Variants in ADAMTS6 observed in about 807,000 individuals in gnomAD.
The protein encoded by ADAMTS6 is A disintegrin and metalloproteinase with thrombospondin motifs 6.
Under a neutral mutation model 144.3 loss-of-function variants are expected in ADAMTS6, and 23 were observed. That is an observed-to-expected ratio of 0.16 (90% CI 0.11 to 0.23). ADAMTS6 has a LOEUF of 0.23. Among genes scored for constraint, ADAMTS6 ranks in the 10% least tolerant of loss-of-function variants. The pLI is 1.00. For missense variants in ADAMTS6, 999 were observed against 1,379.6 expected (o/e 0.72, Z 4.37); for synonymous variants, 444 against 457.5 (o/e 0.97, Z 0.38).
At chr5:65,339,295 T>C (rs1011043802) in intron 7 of ADAMTS6, among the ~76,000 whole-genome samples, 3 of 152,106 alleles carry the variant, frequency 2.0e-5, no homozygotes, top group Non-Finnish European at 2.9e-5. Flanking sequence ...ACTGTGTCTA[T>C]CTAGAACCAA....
intron 15 of ADAMTS6, among the ~76,000 whole-genome samples, chr5:65,239,129 AGGG>A (rs769433075): frequency 1.3e-5 from 2 of 151,660 alleles, no homozygotes; most frequent in Admixed American, 6.6e-5. Flanking sequence ...GGGTAGGGGG[AGGG>A]GGGAGAGATA....
At chr5:65,191,110 T>C (rs990631882) in intron 21 of ADAMTS6, among the ~76,000 whole-genome samples, 1 of 152,158 alleles carries the variant, frequency 6.6e-6, no homozygotes, top group Non-Finnish European at 1.5e-5. Context: ...GCTGGAACAA[T>C]TCTGGGGCTG....
At chr5:65,377,407 C>T (rs1751664220) in intron 7 of ADAMTS6, among the ~76,000 whole-genome samples, 1 of 152,128 alleles carries the variant, frequency 6.6e-6, no homozygotes, top group African/African-American at 2.4e-5. Context: ...TCTAGACTGC[C>T]AAACAAGCTG....
intron 18 of ADAMTS6, among the ~76,000 whole-genome samples, chr5:65,223,940 C>G (rs973642975): frequency 1.3e-5 from 2 of 151,958 alleles, no homozygotes; most frequent in African/African-American, 4.8e-5. Context: ...GCTGGGACTA[C>G]AGGCGCCCAC....
intron 14 of ADAMTS6, among the ~76,000 whole-genome samples, chr5:65,246,670 C>T (rs1163186377): frequency 6.6e-6 from 1 of 152,062 alleles, no homozygotes; most frequent in Non-Finnish European, 1.5e-5. Flanking sequence ...AATCCAAAGG[C>T]CCTGAGGCAG....
rs770308569 is a variant in ADAMTS6 at position 65,473,692 on chromosome 5, A to AT, written c.-20dup. 1.1e-5 allele frequency: 18 copies of AT among 1,598,438 alleles called. No homozygotes were observed. The Admixed American group carries it at 1.2e-4, about 10-fold the overall frequency. On this transcript the variant is annotated 5_prime_UTR_variant, in exon 2 of 25. Transcript: ENST00000381055. Reference sequence around the variant, plus strand: ...TTTCCATAATTTAGAAAACTGGATGATTTTTTTGAGGGCTACCTATGTGCT... The same window carrying AT: ...TTTCCATAATTTAGAAAACTGGATGATTTTTTTTGAGGGCTACCTATGTGCT...
chr5:65,472,984 T>C (rs1162613485), intron 2 of ADAMTS6, among the ~76,000 whole-genome samples: 2 of 152,120 alleles, frequency 1.3e-5, no homozygotes, highest in Non-Finnish European at 2.9e-5. Context: ...GACTGGTCCA[T>C]GGAAAACAAA....
chr5:65,411,962 T>C (rs1016680076), intron 7 of ADAMTS6, among the ~76,000 whole-genome samples: 1 of 152,154 alleles, frequency 6.6e-6, no homozygotes, highest in Non-Finnish European at 1.5e-5. Context: ...CTAATGTTAA[T>C]AATAGCTATC....
At chr5:65,404,024 G>A (rs1393407542) in intron 7 of ADAMTS6, among the ~76,000 whole-genome samples, 1 of 151,900 alleles carries the variant, frequency 6.6e-6, no homozygotes, top group Non-Finnish European at 1.5e-5. Context: ...AAGAATCTTT[G>A]CCCAAGTTGG....
chr5:65,212,434 T>TG (rs1756605687), intron 20 of ADAMTS6, among the ~76,000 whole-genome samples: 1 of 149,596 alleles, frequency 6.7e-6, no homozygotes, highest in African/African-American at 2.4e-5. Flanking sequence ...TTTTTTTTTT[T>TG]TTTTTTTTTT....
At chr5:65,301,029 A>G (rs1381045738) in intron 9 of ADAMTS6, among the ~76,000 whole-genome samples, 1 of 152,208 alleles carries the variant, frequency 6.6e-6, no homozygotes. Flanking sequence ...TTTGAAAACC[A>G]TTGATATACT....
chr5:65,316,188 A>T (rs550771401), intron 9 of ADAMTS6, among the ~76,000 whole-genome samples: 1 of 152,210 alleles, frequency 6.6e-6, no homozygotes, highest in Non-Finnish European at 1.5e-5. Flanking sequence ...CTAGGATTAT[A>T]GGCATGAGCC....
chr5:65,257,400 C>T (rs545835085), intron 14 of ADAMTS6, among the ~76,000 whole-genome samples: 1 of 152,200 alleles, frequency 6.6e-6, no homozygotes, highest in South Asian at 2.1e-4. Flanking sequence ...TCTCTCTCAC[C>T]CTGTATTTCC....
intron 7 of ADAMTS6, among the ~76,000 whole-genome samples, chr5:65,397,815 T>C (rs1027209775): frequency 6.8e-6 from 1 of 147,360 alleles, no homozygotes; most frequent in African/African-American, 2.5e-5. Flanking sequence ...AAGCAGAGGA[T>C]GCAGTGAGCT....
rs1760642366 is a variant in ADAMTS6, at chr5:65,473,718, A to G, written c.-45T>C. On this transcript the variant is annotated 5_prime_UTR_variant, in exon 2 of 25. The change abolishes the stop of an existing upstream ORF in the 5' untranslated region. Coordinates refer to ENST00000381055, the MANE Select transcript of ADAMTS6 (RefSeq NM_197941.4). The stretch of plus-strand genomic sequence containing the variant: ...TTTTTTTGAGGGCTACCTATGTGCT[A>G]AAGAGTCAATACCATACCAAAATCG... The G allele has an allele frequency of 7.6e-6, 11 of 1,441,750 alleles. No homozygotes were observed. Among genetic ancestry groups the G allele is most frequent in the East Asian group, 2.3e-5 (1 of 44,068 alleles). The allele number at this position is 1,441,750 out of a possible 1,614,324, so 89.3% of individuals were successfully genotyped here. A position where few individuals can be genotyped will look rare whatever the true frequency, so the allele number is the denominator to read the frequency against.
rs918896848 is a variant in ADAMTS6, at chr5:65,342,247, A to AG, written c.1074-8163dup. Among the ~76,000 whole-genome samples, 86 of 152,270 alleles carry AG rather than the reference A, an allele frequency of 5.6e-4. 1 individual carries two copies. The highest frequency in any genetic ancestry group is 2.9e-5 in the Non-Finnish European group (2 of 68,008). On this transcript the variant is annotated intron_variant, in intron 7 of 24. Coordinates refer to ENST00000381055, the MANE Select transcript of ADAMTS6 (RefSeq NM_197941.4). ...TAGACTGGGCAATTTACAAAAAAAAAGAGGTTTAATGGACTCACAGTTCCA... is the reference window on the plus strand; with the variant it reads ...TAGACTGGGCAATTTACAAAAAAAAAGGAGGTTTAATGGACTCACAGTTCCA...
intron 7 of ADAMTS6, among the ~76,000 whole-genome samples, chr5:65,342,749 G>A (rs950466115): frequency 6.6e-6 from 1 of 152,142 alleles, no homozygotes; most frequent in Non-Finnish European, 1.5e-5. Flanking sequence ...AAATTGGAAA[G>A]AGGATGTCAA....
At chr5:65,373,281 G>C (rs994978621) in intron 7 of ADAMTS6, among the ~76,000 whole-genome samples, 163 of 151,418 alleles carry the variant, frequency 1.1e-3, no homozygotes, top group Non-Finnish European at 1.7e-3. Context: ...AGGAAATAGA[G>C]ACACAAAAAG....
chr5:65,198,193 C>A lies in ADAMTS6; in HGVS notation c.2576-1042G>T, dbSNP rs561453798. Among the ~76,000 whole-genome samples, 4 of 152,292 alleles carry A rather than the reference C, an allele frequency of 2.6e-5. No homozygotes were observed. In the East Asian group the frequency reaches 5.8e-4, roughly 22 times the overall value. ...AAAAGCACACACTAAGCTATTCCCC[C>A]ACTCACCCACCCCATCTCTATAAAC... On this transcript the variant is annotated intron_variant, in intron 20 of 24. Transcript: ENST00000381055.
Sources: gnomAD v4.1 joint callset for allele counts (sites outside exome capture counted in the v4.1 genomes callset) on GRCh38, gnomAD v4.1.1 for gene constraint, MANE v1.5 for transcripts, NCBI Gene and HGNC (gene_info 2026-07-23, HGNC 2026-07-21) for gene names.